TRAPPC8: variants seen among roughly 807,000 people sequenced by gnomAD.
TRAPPC8 encodes general sporulation gene 1 homolog.
A neutral mutation model predicts 174.3 loss-of-function variants in TRAPPC8; 54 were observed. The ratio of observed to expected loss-of-function variants is 0.31; its 90% CI spans 0.25 to 0.39. TRAPPC8 has a LOEUF of 0.39. TRAPPC8 is among the 10% of genes least tolerant of loss of function. The probability of loss-of-function intolerance (pLI) is 1.00; values close to 1 mark genes in which losing one functional copy is unlikely to be tolerated. For synonymous variants in TRAPPC8, 630 were observed against 579.9 expected (o/e 1.09, Z -1.24); for missense variants, 1,531 against 1,699.1 (o/e 0.90, Z 1.74).
rs1477389741 is a variant in TRAPPC8, at chr18:31,942,958, C to G, written c.-194G>C. Reference sequence around the variant, plus strand: ...TGGGGCACAATCCACTGACCCCCCCCTTCCCGTCACCGCCGCTTCTCAGCG... The same window carrying G: ...TGGGGCACAATCCACTGACCCCCCCGTTCCCGTCACCGCCGCTTCTCAGCG... On this transcript the variant is annotated 5_prime_UTR_variant, in exon 1 of 29. Coordinates refer to ENST00000283351, the MANE Select transcript of TRAPPC8 (RefSeq NM_014939.5). 1.6e-5 allele frequency: 18 copies of G among 1,132,778 alleles called. No individual in the cohort carries two copies. Among genetic ancestry groups the G allele is most frequent in the East Asian group, 9.6e-5 (3 of 31,188 alleles). 70.2% of individuals were successfully genotyped at this position (1,132,778 alleles called of 1,614,324 possible). A position where few individuals can be genotyped will look rare whatever the true frequency, so the allele number is the denominator to read the frequency against.
At chr18:31,850,722 T>C (rs920984190) in intron 24 of TRAPPC8, among the ~76,000 whole-genome samples, 6 of 152,196 alleles carry the variant, frequency 3.9e-5, no homozygotes, top group African/African-American at 1.2e-4. Context: ...ACTGTCCCCA[T>C]AGTTTTCTCA....
chr18:31,933,028 G>T (rs111975787), intron 1 of TRAPPC8, among the ~76,000 whole-genome samples: 133 of 127,746 alleles, frequency 1.0e-3, no homozygotes, highest in East Asian at 0.01. Flanking sequence ...AAAGCCGGGC[G>T]CAGTGGCTCA....
chr18:31,916,397 T>G lies in TRAPPC8; in HGVS notation c.492A>C (p.Ser164=), dbSNP rs771186975. The G allele has an allele frequency of 5.7e-5, 92 of 1,613,690 alleles. No homozygotes were observed. The highest frequency in any genetic ancestry group is 7.6e-5 in the Non-Finnish European group (90 of 1,179,932). The change falls in exon 4 of 29, where the codon TCA becomes TCC. Residue 164 remains serine, a synonymous_variant. Transcript: ENST00000283351. ...TTCGATGCTGTTCTTGTGACAACTT[T>G]GAAAACTGTTCCACAGGTTCAGCTT... is the stretch of plus-strand genomic sequence containing the variant. ...SSEAEPVEQF[S]KLSQEQHRIQ...
chr18:31,942,613 G>C lies in TRAPPC8; in HGVS notation c.152C>G (p.Ser51Cys), dbSNP rs778144944. 1 of 1,603,258 alleles carries C rather than the reference G, an allele frequency of 6.2e-7. No individual in the cohort carries two copies. The highest frequency in any genetic ancestry group is 1.3e-5 in the African/African-American group (1 of 74,416). ...ELLKPFSRLT[S>C]EVHMRDPNNQ... ...AAAGGGAGGATACCACATACCCTCG[G>C]AAGTGAGGCGGGAGAAGGGCTTAAG... Residue 51 changes from serine (S) to cysteine (C), a missense_variant, in exon 1 of 29, where the codon TCC becomes TGC. Physicochemically the swap from Ser to Cys is moderately radical, Grantham distance 112. Transcript: ENST00000283351.
rs765549143 is a variant in TRAPPC8, at chr18:31,849,582, A to C, written c.3719T>G (p.Ile1240Ser). 1.2e-6 allele frequency: 2 copies of C among 1,608,372 alleles called. No homozygotes were observed. The highest frequency in any genetic ancestry group is 2.2e-5 in the South Asian group (2 of 89,752). The change falls in exon 25 of 29, where the codon ATT becomes AGT. Residue 1240 changes from isoleucine to serine, a missense_variant. Transcript: ENST00000283351. ...IQKCSEVDLN[I>S]VILWKAYVVE... ...AGCACATACCTTCCATAATATGACA[A>C]TATTCAAATCTACCTCACTGCATTT...
intron 27 of TRAPPC8, among the ~76,000 whole-genome samples, chr18:31,836,495 G>T (rs1486884025): frequency 2.6e-5 from 4 of 152,182 alleles, no homozygotes; most frequent in Non-Finnish European, 5.9e-5. Context: ...AAGCACCAAG[G>T]TTATTCAGAA....
At chr18:31,873,889 A>C in intron 13 of TRAPPC8, 1 of 191,270 alleles carries the variant, frequency 5.2e-6, no homozygotes, top group Non-Finnish European at 1.1e-5. Context: ...CTAGACCCTA[A>C]AGGTAGTTAT....
At chr18:31,935,337 A>AT (rs2038037496) in intron 1 of TRAPPC8, among the ~76,000 whole-genome samples, 1 of 137,910 alleles carries the variant, frequency 7.3e-6, no homozygotes, top group African/African-American at 2.7e-5. Context: ...GCGAAACTCC[A>AT]CCTCAAAAAC....
At chr18:31,913,261 A>T (rs2036994843) in intron 5 of TRAPPC8, 108 bp downstream of exon 5, 1 of 1,275,896 alleles carries the variant, frequency 7.8e-7, no homozygotes, top group Admixed American at 3.0e-5. Context: ...ACAGATCAAA[A>T]CTGACCAGAT....
At chr18:31,918,992 C>T (rs1598738221) in intron 2 of TRAPPC8, among the ~76,000 whole-genome samples, 1 of 152,156 alleles carries the variant, frequency 6.6e-6, no homozygotes. Context: ...CAAATATATT[C>T]TTTCTGCTTA....
chr18:31,864,748 T>C lies in TRAPPC8; in HGVS notation c.2624A>G (p.Lys875Arg). ...AGGACCTTGAATTTCTAAATCCTGC[T>C]TCCCTCGGACTGACATACTCAAGGA... is the stretch of plus-strand genomic sequence containing the variant. The part of the protein sequence containing the change: ...KYSLSMSVRG[K>R]QDLEIQGPRL... The change falls in exon 19 of 29, where the codon AAG becomes AGG. Residue 875 changes from lysine to arginine, a missense_variant. Physicochemically the swap from Lys to Arg is conservative, Grantham distance 26. Coordinates refer to ENST00000283351, the MANE Select transcript of TRAPPC8 (RefSeq NM_014939.5). 5 of 1,612,042 alleles carry C rather than the reference T, an allele frequency of 3.1e-6. No individual in the cohort carries two copies. The highest frequency in any genetic ancestry group is 4.2e-6 in the Non-Finnish European group (5 of 1,179,164).
At chr18:31,891,167 CAA>C (rs1370837242) in intron 11 of TRAPPC8, 2 of 163,796 alleles carry the variant, frequency 1.2e-5, no homozygotes, top group Non-Finnish European at 2.6e-5. Context: ...TCTCAAATGG[CAA>C]AAAAGTATGT....
intron 2 of TRAPPC8, among the ~76,000 whole-genome samples, chr18:31,919,744 C>T (rs1175635325): frequency 1.3e-5 from 2 of 151,532 alleles, no homozygotes; most frequent in Non-Finnish European, 2.9e-5. Flanking sequence ...GCCTGTAGTC[C>T]CAGCTACTCG....
intron 25 of TRAPPC8, among the ~76,000 whole-genome samples, chr18:31,847,698 T>TA (rs1224232514): frequency 1.3e-5 from 2 of 152,142 alleles, no homozygotes; most frequent in Non-Finnish European, 2.9e-5. Flanking sequence ...CAGGAGAAGT[T>TA]AAACACCTGA....
intron 10 of TRAPPC8, among the ~76,000 whole-genome samples, chr18:31,898,300 G>T (rs2036268551): frequency 1.3e-5 from 2 of 152,002 alleles, no homozygotes; most frequent in South Asian, 4.1e-4. Context: ...ACATAGGGCT[G>T]ACTGTAAAAA....
intron 27 of TRAPPC8, among the ~76,000 whole-genome samples, chr18:31,836,785 AG>A (rs1187172459): frequency 2.4e-4 from 32 of 133,112 alleles, no homozygotes; most frequent in African/African-American, 9.4e-4. Flanking sequence ...TTTTTGAGAC[AG>A]AGTCTCGCTC....
intron 12 of TRAPPC8, among the ~76,000 whole-genome samples, chr18:31,881,640 A>T (rs1019859541): frequency 6.6e-6 from 1 of 152,190 alleles, no homozygotes; most frequent in Admixed American, 6.5e-5. Context: ...ACAAAAATTG[A>T]CAACTGGTAC....
At chr18:31,916,579 CTG>C in intron 3 of TRAPPC8, 133 bp from the exon 4 acceptor site, 1 of 900,094 alleles carries the variant, frequency 1.1e-6, no homozygotes, top group South Asian at 2.1e-5. Context: ...GTAGCCCAGG[CTG>C]GAGAGCAGTG....
At chr18:31,903,004 C>T (rs1005169408) in intron 9 of TRAPPC8, among the ~76,000 whole-genome samples, 2 of 149,706 alleles carry the variant, frequency 1.3e-5, no homozygotes, top group East Asian at 2.0e-4. Flanking sequence ...GAGCCGAGAT[C>T]GTGCCACTGC....
Sources: gnomAD v4.1 joint callset for allele counts (sites outside exome capture counted in the v4.1 genomes callset) on GRCh38, gnomAD v4.1.1 for gene constraint, MANE v1.5 for transcripts, NCBI Gene and HGNC (gene_info 2026-07-23, HGNC 2026-07-21) for gene names.